Variants in VTI1A observed in about 807,000 individuals in gnomAD.
VTI1A encodes vesicle transport through interaction with t-SNAREs homolog 1A.
In VTI1A, 22 loss-of-function variants were observed where a neutral mutation model predicts 34.9. The ratio of observed to expected loss-of-function variants is 0.63; its 90% CI spans 0.45 to 0.90. The LOEUF is 0.90. Ranked by LOEUF, VTI1A falls within the 40% of genes least tolerant of loss-of-function variation. The pLI is 0.00. For synonymous variants in VTI1A, 87 were observed against 97.3 expected (o/e 0.89, Z 0.62); for missense variants, 268 against 275.6 (o/e 0.97, Z 0.20).
intron 4 of VTI1A, among the ~76,000 whole-genome samples, chr10:112,534,910 T>C (rs1054836009): frequency 6.6e-6 from 1 of 152,200 alleles, no homozygotes; most frequent in Non-Finnish European, 1.5e-5. Context: ...AAAACCTCTA[T>C]ACGAAGAAAC....
At chr10:112,519,743 G>A (rs1849942532) in intron 3 of VTI1A, among the ~76,000 whole-genome samples, 1 of 152,008 alleles carries the variant, frequency 6.6e-6, no homozygotes, top group African/African-American at 2.4e-5. Flanking sequence ...CATTCATCTG[G>A]CTTAGAACCC....
At chr10:112,665,389 A>G (rs1847607898) in intron 5 of VTI1A, among the ~76,000 whole-genome samples, 1 of 152,148 alleles carries the variant, frequency 6.6e-6, no homozygotes. Flanking sequence ...ATTTGGCCTG[A>G]AATTTTCTAT....
intron 7 of VTI1A, among the ~76,000 whole-genome samples, chr10:112,790,626 G>T (rs1852430543): frequency 1.3e-5 from 2 of 152,212 alleles, no homozygotes; most frequent in Middle Eastern, 3.4e-3. Context: ...GCCCCACCCT[G>T]GTAAAACCAT....
chr10:112,758,471 C>G (rs756029192), intron 7 of VTI1A, among the ~76,000 whole-genome samples: 1 of 152,152 alleles, frequency 6.6e-6, no homozygotes, highest in Non-Finnish European at 1.5e-5. Flanking sequence ...AATCAGAACC[C>G]GTGGCACAGG....
At chr10:112,585,830 A>G (rs1345965186) in intron 5 of VTI1A, among the ~76,000 whole-genome samples, 13 of 152,150 alleles carry the variant, frequency 8.5e-5, no homozygotes, top group Admixed American at 8.5e-4. Context: ...TTTCGGACAG[A>G]CAGAAGCTGA....
At chr10:112,797,737 G>C (rs1466316643) in intron 7 of VTI1A, among the ~76,000 whole-genome samples, 2 of 152,068 alleles carry the variant, frequency 1.3e-5, no homozygotes, top group East Asian at 1.9e-4. Flanking sequence ...TAGTGCCTGT[G>C]TATGAACCTG....
intron 7 of VTI1A, among the ~76,000 whole-genome samples, chr10:112,702,269 A>G (rs974863285): frequency 4.6e-5 from 7 of 152,250 alleles, no homozygotes; most frequent in African/African-American, 1.4e-4. Context: ...ATATCCTTCA[A>G]CAAACATGGC....
rs1564821412 is a variant in VTI1A, at chr10:112,546,021, CGTGTATACGCGTATGTGTGTGT to C, written c.427+7692_427+7713del. On this transcript the variant is annotated intron_variant, in intron 5 of 7. Transcript: ENST00000393077. Reference sequence around the variant, plus strand: ...GTATACGCGTATGTGTGTGTATATACGTGTATACGCGTATGTGTGTGTATATACGTGTATACGCGTATGTGTG... The same window carrying C: ...GTATACGCGTATGTGTGTGTATATACATATACGTGTATACGCGTATGTGTG... Among the ~76,000 whole-genome samples the C allele has an allele frequency of 9.2e-3, 1,260 of 137,548 alleles. 34 individuals carry two copies. Among genetic ancestry groups the C allele is most frequent in the Middle Eastern group, 0.018 (5 of 282 alleles). 90.2% of individuals were successfully genotyped at this position (137,548 alleles called of 152,430 possible). A position where few individuals can be genotyped will look rare whatever the true frequency, so the allele number is the denominator to read the frequency against.
chr10:112,534,389 T>C (rs1410823572), intron 4 of VTI1A, among the ~76,000 whole-genome samples: 1 of 152,144 alleles, frequency 6.6e-6, no homozygotes, highest in Non-Finnish European at 1.5e-5. Flanking sequence ...TATTAAGACA[T>C]AATGGCCTAT....
chr10:112,811,681 C>A (rs1853309763), intron 7 of VTI1A, among the ~76,000 whole-genome samples: 1 of 49,128 alleles, frequency 2.0e-5, no homozygotes, highest in South Asian at 8.1e-4. Flanking sequence ...GAGACTCCGT[C>A]TCAAAAAAAA....
chr10:112,683,749 A>C (rs1001688160), intron 7 of VTI1A, among the ~76,000 whole-genome samples: 4 of 152,062 alleles, frequency 2.6e-5, no homozygotes, highest in Non-Finnish European at 5.9e-5. Context: ...ATTTTTAAAA[A>C]CCTCTCATTT....
intron 5 of VTI1A, among the ~76,000 whole-genome samples, chr10:112,621,795 C>T (rs564413118): frequency 1.3e-5 from 2 of 152,166 alleles, no homozygotes; most frequent in Non-Finnish European, 2.9e-5. Context: ...ATGTGCTGTT[C>T]CATGTGGCAC....
At chr10:112,472,671 G>T (rs1407354967) in intron 3 of VTI1A, among the ~76,000 whole-genome samples, 2 of 151,820 alleles carry the variant, frequency 1.3e-5, no homozygotes, top group South Asian at 4.2e-4. Flanking sequence ...ACAGCTTCCT[G>T]GGATATTTTA....
At chr10:112,488,153 T>C (rs1436962095) in intron 3 of VTI1A, among the ~76,000 whole-genome samples, 1 of 152,230 alleles carries the variant, frequency 6.6e-6, no homozygotes, top group African/African-American at 2.4e-5. Context: ...CTCCAATGTT[T>C]GTACTATCAG....
intron 5 of VTI1A, among the ~76,000 whole-genome samples, chr10:112,640,419 T>G (rs1260311344): frequency 6.6e-6 from 1 of 152,112 alleles, no homozygotes; most frequent in Non-Finnish European, 1.5e-5. Context: ...GCCCATAGCT[T>G]GCCTCCTCTC....
chr10:112,664,271 A>C (rs1241109911), intron 5 of VTI1A, among the ~76,000 whole-genome samples: 1 of 152,194 alleles, frequency 6.6e-6, no homozygotes, highest in Non-Finnish European at 1.5e-5. Context: ...CTGGTGAATT[A>C]GATTTGAGGC....
the VTI1A span, among the ~76,000 whole-genome samples, chr10:112,841,862 A>G: frequency 1.2e-4 from 18 of 152,104 alleles, no homozygotes; most frequent in African/African-American, 4.1e-4. Context: ...TAGTCTTCCA[A>G]TAAATCCCGT....
chr10:112,658,958 A>C (rs982728335), intron 5 of VTI1A, among the ~76,000 whole-genome samples: 2 of 152,252 alleles, frequency 1.3e-5, no homozygotes, highest in African/African-American at 4.8e-5. Flanking sequence ...TGGTCCACCC[A>C]ATAGTGACTT....
At chr10:112,553,717 G>C (rs144843075) in intron 5 of VTI1A, among the ~76,000 whole-genome samples, 52 of 152,334 alleles carry the variant, frequency 3.4e-4, no homozygotes, top group Middle Eastern at 6.8e-3. Flanking sequence ...ACCCACTTTT[G>C]AAGCTCCGCA....
Sources: gnomAD v4.1 joint callset for allele counts (sites outside exome capture counted in the v4.1 genomes callset) on GRCh38, gnomAD v4.1.1 for gene constraint, MANE v1.5 for transcripts, NCBI Gene and HGNC (gene_info 2026-07-23, HGNC 2026-07-21) for gene names.